NSMCE2: variants seen among roughly 807,000 people sequenced by gnomAD.
NSMCE2 encodes NSE2 SUMO ligase component of SMC5/6 complex.
Under a neutral mutation model 23.8 loss-of-function variants are expected in NSMCE2, and 24 were observed. The ratio of observed to expected loss-of-function variants is 1.01; its 90% CI spans 0.73 to 1.42. NSMCE2 has a LOEUF of 1.42. Among genes scored for constraint, NSMCE2 ranks in the 40% most tolerant of loss-of-function variants. NSMCE2 has a pLI of 0.00. For missense variants in NSMCE2, 284 were observed against 296.5 expected, an observed-to-expected ratio of 0.96 and a Z score of 0.31; for synonymous variants, 92 against 94.1, an observed-to-expected ratio of 0.98 and a Z score of 0.13.
chr8:125,264,468 G>C (rs567117550), intron 5 of NSMCE2, among the ~76,000 whole-genome samples: 10 of 152,128 alleles, frequency 6.6e-5, no homozygotes, highest in Admixed American at 3.3e-4. Flanking sequence ...ATGCAATGGC[G>C]CGAGCTCGGC....
intron 7 of NSMCE2, among the ~76,000 whole-genome samples, chr8:125,360,624 G>A (rs890239907): frequency 2.0e-5 from 3 of 152,094 alleles, no homozygotes; most frequent in African/African-American, 7.2e-5. Context: ...TGTGGGCGGG[G>A]TGGGCAGGGT....
At chr8:125,253,076 T>C (rs898624224) in intron 5 of NSMCE2, among the ~76,000 whole-genome samples, 1 of 152,224 alleles carries the variant, frequency 6.6e-6, no homozygotes, top group South Asian at 2.1e-4. Flanking sequence ...ATGATAGGCA[T>C]TCTCATGATT....
intron 3 of NSMCE2, among the ~76,000 whole-genome samples, chr8:125,141,963 T>C (rs911332843): frequency 6.6e-6 from 1 of 152,152 alleles, no homozygotes; most frequent in Non-Finnish European, 1.5e-5. Context: ...TTACAGTGCT[T>C]CTTATGGAGC....
intron 5 of NSMCE2, among the ~76,000 whole-genome samples, chr8:125,332,359 C>T (rs1244859452): frequency 6.6e-6 from 1 of 152,162 alleles, no homozygotes; most frequent in Non-Finnish European, 1.5e-5. Flanking sequence ...GGTAGTAAGA[C>T]CATGCTAATA....
intron 5 of NSMCE2, among the ~76,000 whole-genome samples, chr8:125,340,023 T>TG (rs1563794308): frequency 2.1e-5 from 3 of 144,464 alleles, no homozygotes; most frequent in African/African-American, 2.6e-5. Flanking sequence ...TTTTTTTTTT[T>TG]TTTTTTTTTG....
At chr8:125,125,356 T>C (rs937809026) in intron 3 of NSMCE2, among the ~76,000 whole-genome samples, 1 of 152,202 alleles carries the variant, frequency 6.6e-6, no homozygotes, top group African/African-American at 2.4e-5. Context: ...AAGCTTCACA[T>C]CATTCTCACT....
intron 5 of NSMCE2, among the ~76,000 whole-genome samples, chr8:125,223,153 T>C (rs1329017674): frequency 1.3e-5 from 2 of 151,846 alleles, no homozygotes; most frequent in East Asian, 3.9e-4. Context: ...CTCAGGAGTT[T>C]GAGACCAACC....
In NSMCE2 at chr8:125,101,961, G is replaced by A. The variant is rs566505141; in HGVS notation, c.-110-90G>A. 2.9e-3 allele frequency: 474 copies of A among 161,064 alleles called. 3 individuals carry two copies. The highest frequency in any genetic ancestry group is 0.011 in the African/African-American group (455 of 41,750). The allele number at this position is 161,064 out of a possible 1,614,324, so 10.0% of individuals were successfully genotyped here. ...ATTTTATTAGTATTTTTTTCTCTTT[G>A]GAAAATTGCATCATATGAGTGGTCT... On this transcript the variant is annotated intron_variant, in intron 1 of 7. Transcript: ENST00000287437.
intron 5 of NSMCE2, among the ~76,000 whole-genome samples, chr8:125,328,642 GGT>G (rs1829764132): frequency 6.6e-6 from 1 of 152,138 alleles, no homozygotes; most frequent in Non-Finnish European, 1.5e-5. Flanking sequence ...TTCACAGGCT[GGT>G]GCACAAATTC....
chr8:125,299,452 G>A (rs976072492), intron 5 of NSMCE2, among the ~76,000 whole-genome samples: 1 of 152,118 alleles, frequency 6.6e-6, no homozygotes, highest in East Asian at 1.9e-4. Flanking sequence ...GAGAGAGAGC[G>A]AGCAAGAGGC....
At chr8:125,173,215 G>A (rs12546048) in intron 4 of NSMCE2, among the ~76,000 whole-genome samples, 2,314 of 152,324 alleles carry the variant, frequency 0.015, 40 homozygotes, top group Admixed American at 0.048. Context: ...TGGAGGTATT[G>A]TTGAGTCCCT....
At chr8:125,332,717 A>G (rs577166397) in intron 5 of NSMCE2, among the ~76,000 whole-genome samples, 2 of 152,230 alleles carry the variant, frequency 1.3e-5, no homozygotes, top group East Asian at 1.9e-4. Flanking sequence ...TCTTTCCCCT[A>G]TCCCCTTCAG....
intron 3 of NSMCE2, among the ~76,000 whole-genome samples, chr8:125,117,845 T>C (rs891411180): frequency 1.1e-4 from 17 of 152,220 alleles, no homozygotes; most frequent in African/African-American, 4.1e-4. Flanking sequence ...TGAATCCATA[T>C]ATAAATGCGT....
At chr8:125,293,588 TA>T (rs1586729620) in intron 5 of NSMCE2, among the ~76,000 whole-genome samples, 1 of 135,202 alleles carries the variant, frequency 7.4e-6, no homozygotes, top group Non-Finnish European at 1.6e-5. Context: ...GAGGAAGGTT[TA>T]GTCATCAAGC....
intron 3 of NSMCE2, among the ~76,000 whole-genome samples, chr8:125,144,947 G>A (rs896733091): frequency 2.0e-5 from 3 of 152,138 alleles, no homozygotes; most frequent in African/African-American, 4.8e-5. Context: ...CAGATGACAT[G>A]TCTAATGAAT....
intron 5 of NSMCE2, 77 bp from the exon 6 acceptor site, chr8:125,357,133 GAAACTCTTC>G (rs1813314736): frequency 1.2e-6 from 1 of 856,508 alleles, no homozygotes; most frequent in Non-Finnish European, 1.9e-6. Context: ...TGCTCCCCCA[GAAACTCTTC>G]ACCTCCCTTC....
intron 5 of NSMCE2, among the ~76,000 whole-genome samples, chr8:125,319,355 A>G (rs1829331949): frequency 6.6e-6 from 1 of 152,220 alleles, no homozygotes; most frequent in East Asian, 1.9e-4. Context: ...GCAGGAAAAT[A>G]CAACCCCTAA....
intron 5 of NSMCE2, among the ~76,000 whole-genome samples, chr8:125,309,151 G>A (rs58585963): frequency 0.032 from 4,925 of 151,562 alleles, 251 homozygotes; most frequent in African/African-American, 0.11. Context: ...GGAGGCTGAG[G>A]CAGGAGAGAA....
intron 5 of NSMCE2, among the ~76,000 whole-genome samples, chr8:125,336,101 A>G (rs183460237): frequency 7.2e-4 from 110 of 152,232 alleles, no homozygotes; most frequent in Admixed American, 1.5e-3. Flanking sequence ...CACTCCTGGT[A>G]GAAAGGAACC....
Sources: allele counts gnomAD v4.1 joint callset (sites outside exome capture counted in the v4.1 genomes callset), GRCh38; gene constraint gnomAD v4.1.1; transcripts MANE v1.5; gene names NCBI Gene and HGNC (gene_info 2026-07-23, HGNC 2026-07-21).